Variants in OXNAD1 observed in about 807,000 individuals in gnomAD.
OXNAD1 encodes oxidoreductase NAD binding domain containing 1.
A neutral mutation model predicts 32.9 loss-of-function variants in OXNAD1; 34 were observed. The observed-to-expected ratio is 1.03, with a 90% CI of 0.79 to 1.38. The LOEUF (loss-of-function observed/expected upper bound fraction) is 1.38. OXNAD1 is among the 40% of genes most tolerant of loss of function. The pLI, the probability that OXNAD1 is intolerant of heterozygous loss-of-function variation, is 0.00. For synonymous variants in OXNAD1, 134 were observed against 135.2 expected (o/e 0.99, Z 0.06); for missense variants, 407 against 379.4 (o/e 1.07, Z -0.60).
At chr3:16,296,832 T>C (rs2066834004) in intron 6 of OXNAD1, among the ~76,000 whole-genome samples, 1 of 152,174 alleles carries the variant, frequency 6.6e-6, no homozygotes, top group Non-Finnish European at 1.5e-5. Context: ...AACCTCATAC[T>C]TTATATTCAG....
At chr3:16,332,499 A>G (rs1373684490) in intron 9 of OXNAD1, among the ~76,000 whole-genome samples, 1 of 151,516 alleles carries the variant, frequency 6.6e-6, no homozygotes. Flanking sequence ...TGATACCTAC[A>G]TTATCTCCAC....
chr3:16,339,303 C>T (rs1011489956), downstream of OXNAD1: 2 of 152,280 alleles, frequency 1.3e-5, no homozygotes, highest in African/African-American at 2.4e-5. Context: ...CCTCCTTATG[C>T]TCTGCTCTTA....
Position 16,327,153 on chromosome 3 carries a change from G to T in OXNAD1, c.*31-9959G>T, listed in dbSNP as rs933920407. On this transcript the variant is annotated intron_variant, in intron 9 of 9. Transcript: ENST00000435829. The surrounding 1 kb of genome is among the most constrained non-coding windows in gnomAD (Gnocchi z 4.2). The stretch of plus-strand genomic sequence containing the variant: ...ATTAATTTTGTTTGATTCTTGTCTG[G>T]ACAAATAGCCTCCTGTGAGTTTCAC... Among the ~76,000 whole-genome samples the T allele has an allele frequency of 6.6e-6, 1 of 152,184 alleles. No homozygotes were observed. The highest frequency in any genetic ancestry group is 1.5e-5 in the Non-Finnish European group (1 of 68,036).
chr3:16,272,013 A>G (rs967433831), intron 4 of OXNAD1: 9 of 500,058 alleles, frequency 1.8e-5, no homozygotes, highest in African/African-American at 1.8e-4. Flanking sequence ...GTTTAGGGTT[A>G]TGTTTTAGCA....
intron 6 of OXNAD1, among the ~76,000 whole-genome samples, chr3:16,300,465 G>C (rs998906111): frequency 6.6e-6 from 1 of 152,140 alleles, no homozygotes; most frequent in African/African-American, 2.4e-5. Context: ...GAACATGCTT[G>C]GTTAAGTTCT....
chr3:16,332,902 T>C (rs1431352918), intron 9 of OXNAD1, among the ~76,000 whole-genome samples: 1 of 152,200 alleles, frequency 6.6e-6, no homozygotes, highest in Non-Finnish European at 1.5e-5. Context: ...TGTAAAGTCA[T>C]TGTGAACAGT....
At chr3:16,341,548 A>C (rs7615111), downstream of OXNAD1, among the ~76,000 whole-genome samples, 1 of 152,194 alleles carries the variant, frequency 6.6e-6, no homozygotes, top group Non-Finnish European at 1.5e-5. The surrounding 1 kb of genome is among the most constrained non-coding windows in gnomAD (Gnocchi z 4.7). Flanking sequence ...GGAAAAGGCT[A>C]CATACTGTAT....
Position 16,270,939 on chromosome 3 carries a change from G to T in OXNAD1, c.-8-6G>T, listed in dbSNP as rs1460870007. On this transcript the variant is annotated splice_region_variant and splice_polypyrimidine_tract_variant and intron_variant, in intron 2 of 8. Coordinates refer to ENST00000285083, the MANE Select transcript of OXNAD1 (RefSeq NM_138381.5). ...AATTTGAAATTTCAGTTTTCTGTTT[G>T]CCCAGAAAGCGCCATGGCCTGTGCT... The T allele has an allele frequency of 2.5e-6, 4 of 1,613,676 alleles. No individual in the cohort carries two copies. Among genetic ancestry groups the T allele is most frequent in the South Asian group, 1.1e-5 (1 of 91,018 alleles).
chr3:16,285,638 C>A (rs1042150956), intron 4 of OXNAD1, among the ~76,000 whole-genome samples: 1 of 152,190 alleles, frequency 6.6e-6, no homozygotes, highest in African/African-American at 2.4e-5. Flanking sequence ...TTCCAGAAAT[C>A]AGATACATCA....
At chr3:16,300,339 AT>A (rs1183921098) in intron 6 of OXNAD1, among the ~76,000 whole-genome samples, 5 of 152,232 alleles carry the variant, frequency 3.3e-5, no homozygotes, top group Non-Finnish European at 5.9e-5. Flanking sequence ...AAGTAATCAG[AT>A]GGCTATTCCT....
Position 16,329,497 on chromosome 3 carries a change from A to C in OXNAD1, c.*31-7615A>C, listed in dbSNP as rs2070082999. On this transcript the variant is annotated intron_variant, in intron 9 of 9. Transcript: ENST00000435829. This position sits in a 1 kb window ranked among gnomAD's most constrained non-coding sequence, Gnocchi z 4.5. ...TTCCCTGAAGCCTCTATCAGGCCAG[A>C]GATGGCCCAGCAGTTGTGACCATCC... Among the ~76,000 whole-genome samples the C allele has an allele frequency of 6.6e-6, 1 of 152,192 alleles. No individual in the cohort carries two copies. Among genetic ancestry groups the C allele is most frequent in the Non-Finnish European group, 1.5e-5 (1 of 68,028 alleles).
At position 16,318,171 on chromosome 3, in the gene OXNAD1, G is replaced by T. The variant is rs1487824175; in HGVS notation, c.*30+14579G>T. ...CTGGAGCAAGACCACCCGAGAGCGA[G>T]CCCCAGCTCCGTCACTGACCGGCCA... On this transcript the variant is annotated intron_variant, in intron 9 of 9. Coordinates refer to the OXNAD1 transcript ENST00000435829. Among the ~76,000 whole-genome samples the T allele has an allele frequency of 4.6e-5, 7 of 151,972 alleles. No individual in the cohort carries two copies. In the East Asian group the frequency reaches 1.4e-3, roughly 29 times the overall value.
Position 16,335,776 on chromosome 3 carries a change from TAAAAAA to T in OXNAD1, c.*31-1322_*31-1317del, listed in dbSNP as rs540104859. On this transcript the variant is annotated intron_variant, in intron 9 of 9. Coordinates refer to the OXNAD1 transcript ENST00000435829. The surrounding 1 kb of genome is among the most constrained non-coding windows in gnomAD (Gnocchi z 4.7). Reference sequence around the variant, plus strand: ...ATCCTGCACTTGCACCCTGGAACTTTAAAAAAAAAAAAAAAAAAAGGAGTTTGATCA... The same window carrying T: ...ATCCTGCACTTGCACCCTGGAACTTTAAAAAAAAAAAAAGGAGTTTGATCA... 2.9e-5 allele frequency among the ~76,000 whole-genome samples: 4 copies of T among 136,644 alleles called. No homozygotes were observed. The highest frequency in any genetic ancestry group is 7.3e-5 in the Admixed American group (1 of 13,638). 89.6% of individuals were successfully genotyped at this position (136,644 alleles called of 152,430 possible). A position where few individuals can be genotyped will look rare whatever the true frequency, so the allele number is the denominator to read the frequency against.
chr3:16,323,085 T>C (rs2069259951), intron 9 of OXNAD1, among the ~76,000 whole-genome samples: 1 of 152,154 alleles, frequency 6.6e-6, no homozygotes, highest in South Asian at 2.1e-4. Flanking sequence ...TTCGTGCCCT[T>C]CTTTTCATCC....
At chr3:16,300,908 A>G (rs180835661) in intron 6 of OXNAD1, among the ~76,000 whole-genome samples, 282 of 152,316 alleles carry the variant, frequency 1.9e-3, no homozygotes, top group African/African-American at 6.3e-3. Context: ...AAGTTTCCCA[A>G]ACACCTTCAT....
chr3:16,332,158 G>T (rs2070382292), intron 9 of OXNAD1, among the ~76,000 whole-genome samples: 1 of 151,884 alleles, frequency 6.6e-6, no homozygotes, highest in African/African-American at 2.4e-5. Flanking sequence ...TTGTCCTTCA[G>T]TTCTGAAAAA....
In OXNAD1 at chr3:16,346,415, G is replaced by C. The variant is rs2071722154; in HGVS notation, c.*31-2761G>C. ...TGAGTTTATGGAAGAAAAAAGTGCA[G>C]ATAAAGATTAAAGGTCAAATACTTC... On this transcript the variant is annotated intron_variant, in intron 9 of 9. Coordinates refer to the OXNAD1 transcript ENST00000606098. This position sits in a 1 kb window ranked among gnomAD's most constrained non-coding sequence, Gnocchi z 4.4. 1 of 152,192 alleles carries C rather than the reference G, an allele frequency of 6.6e-6. No individual in the cohort carries two copies. Among genetic ancestry groups the C allele is most frequent in the South Asian group, 2.1e-4 (1 of 4,828 alleles). 9.4% of individuals were successfully genotyped at this position (152,192 alleles called of 1,614,324 possible).
chr3:16,295,110 A>G (rs2066692093), intron 6 of OXNAD1, 113 bp downstream of exon 6: 3 of 1,265,430 alleles, frequency 2.4e-6, no homozygotes, highest in Non-Finnish European at 3.2e-6. Context: ...AAAAGGGTAC[A>G]TGCCCAGAAA....
At position 16,324,971 on chromosome 3, in the gene OXNAD1, C is replaced by T. The variant is rs924929284; in HGVS notation, c.*31-12141C>T. On this transcript the variant is annotated intron_variant, in intron 9 of 9. Transcript: ENST00000435829. ...GTACAAGGGTTCTCTTTTCTCTATA[C>T]CCTTGTCTTTTTTATAATAGCCATC... 7.2e-5 allele frequency among the ~76,000 whole-genome samples: 11 copies of T among 151,882 alleles called. 2 individuals carry two copies. Among genetic ancestry groups the T allele is most frequent in the Admixed American group, 1.3e-4 (2 of 15,236 alleles).
Sources: allele counts gnomAD v4.1 joint callset (sites outside exome capture counted in the v4.1 genomes callset), GRCh38; gene constraint gnomAD v4.1.1; non-coding constraint Gnocchi (gnomAD v3.1); transcripts MANE v1.5; gene names NCBI Gene and HGNC (gene_info 2026-07-23, HGNC 2026-07-21).